Variants in GPD2 observed in about 807,000 individuals in gnomAD.
GPD2 encodes glycerol-3-phosphate dehydrogenase 2.
GPD2 carries 54 observed loss-of-function variants against 82.4 expected under a neutral mutation model. That is an observed-to-expected ratio of 0.66 (90% CI 0.53 to 0.82). The LOEUF (loss-of-function observed/expected upper bound fraction) is 0.82, where lower values mean the gene tolerates loss of function less well. GPD2 is among the 40% of genes least tolerant of loss of function. GPD2 has a pLI of 0.00. For missense variants in GPD2, 748 were observed against 896.2 expected (o/e 0.83, Z 2.11); for synonymous variants, 288 against 306.1 (o/e 0.94, Z 0.62).
intron 7 of GPD2, among the ~76,000 whole-genome samples, chr2:156,550,052 C>T (rs1388854083): frequency 1.3e-5 from 2 of 152,080 alleles, no homozygotes; most frequent in Non-Finnish European, 2.9e-5. Context: ...TTTTTCTTTA[C>T]AAAAACATGT....
chr2:156,443,605 AT>A (rs1330305844), intron 1 of GPD2, among the ~76,000 whole-genome samples: 1 of 151,984 alleles, frequency 6.6e-6, no homozygotes, highest in Non-Finnish European at 1.5e-5. Flanking sequence ...TTATTTCAAA[AT>A]TTTTTTCCCT....
intron 13 of GPD2, among the ~76,000 whole-genome samples, chr2:156,572,080 C>T (rs1687660880): frequency 6.6e-6 from 1 of 152,090 alleles, no homozygotes; most frequent in African/African-American, 2.4e-5. Context: ...CAGCATTTGA[C>T]ACAATTGATT....
chr2:156,573,364 G>A (rs541311639), intron 13 of GPD2, among the ~76,000 whole-genome samples: 1 of 152,240 alleles, frequency 6.6e-6, no homozygotes, highest in Non-Finnish European at 1.5e-5. Flanking sequence ...AGCTGTACTG[G>A]TTTATAGCTG....
At chr2:156,500,627 T>G (rs191704361) in intron 3 of GPD2, among the ~76,000 whole-genome samples, 164 of 152,282 alleles carry the variant, frequency 1.1e-3, no homozygotes, top group Middle Eastern at 0.01. Context: ...CATCAAAGTT[T>G]TGGGGGGAAC....
chr2:156,425,682 G>A, the GPD2 span, among the ~76,000 whole-genome samples: 216 of 152,258 alleles, frequency 1.4e-3, 1 homozygote, highest in African/African-American at 4.7e-3. Flanking sequence ...TTTGATACAA[G>A]GTTAAGGTCG....
intron 6 of GPD2, among the ~76,000 whole-genome samples, chr2:156,544,375 C>T (rs758033106): frequency 3.9e-5 from 6 of 152,120 alleles, no homozygotes; most frequent in Admixed American, 3.3e-4. Flanking sequence ...ACCAACATTC[C>T]GTTGGCCAAA....
the GPD2 span, among the ~76,000 whole-genome samples, chr2:156,401,136 A>C: frequency 1.3e-5 from 2 of 152,294 alleles, no homozygotes; most frequent in South Asian, 2.1e-4. Flanking sequence ...AAAAAACTAG[A>C]AGTCAAAACT....
At chr2:156,549,004 G>A (rs1686653214) in intron 6 of GPD2, among the ~76,000 whole-genome samples, 1 of 151,282 alleles carries the variant, frequency 6.6e-6, no homozygotes, top group South Asian at 2.1e-4. Context: ...GAATTGTTCT[G>A]TAATTAAATT....
chr2:156,541,852 T>C lies in GPD2; in HGVS notation c.662-7756T>C, dbSNP rs543670978. The stretch of plus-strand genomic sequence containing the variant: ...TTTTTTTTTTTTTTTTTTTTGGCTG[T>C]GGTCGAGAGAGAATGGATTGTCCTG... On this transcript the variant is annotated intron_variant, in intron 6 of 16. Transcript: ENST00000438166. 9.2e-5 allele frequency among the ~76,000 whole-genome samples: 9 copies of C among 98,038 alleles called. No individual in the cohort carries two copies. The East Asian group carries it at 2.8e-3, about 31-fold the overall frequency. 64.3% of individuals were successfully genotyped at this position (98,038 alleles called of 152,430 possible). A position where few individuals can be genotyped will look rare whatever the true frequency, so the allele number is the denominator to read the frequency against.
chr2:156,494,410 G>T (rs556041594), intron 2 of GPD2, among the ~76,000 whole-genome samples: 1 of 152,264 alleles, frequency 6.6e-6, no homozygotes, highest in South Asian at 2.1e-4. Context: ...GAGATAATGA[G>T]TCAACAGTTA....
intron 9 of GPD2, among the ~76,000 whole-genome samples, chr2:156,561,804 A>G (rs1405214140): frequency 6.6e-6 from 1 of 152,114 alleles, no homozygotes; most frequent in Non-Finnish European, 1.5e-5. Context: ...TATCCTTAAG[A>G]AAAAAAAGTG....
chr2:156,506,974 A>G (rs1384854122), intron 3 of GPD2, among the ~76,000 whole-genome samples: 1 of 152,120 alleles, frequency 6.6e-6, no homozygotes, highest in East Asian at 1.9e-4. Context: ...TGTGTAAAAT[A>G]CTAAAAATAC....
At position 156,453,833 on chromosome 2, in the gene GPD2, C is replaced by T. The variant is rs141811827; in HGVS notation, c.-9+17320C>T. On this transcript the variant is annotated intron_variant, in intron 1 of 16. Coordinates refer to ENST00000438166, the MANE Select transcript of GPD2 (RefSeq NM_000408.5). ...TGGAGGTTGCAGTGAGCTGAGATCA[C>T]GCCACTTCACTGCAGCCTGGGTGAC... 4.4e-3 allele frequency among the ~76,000 whole-genome samples: 666 copies of T among 152,130 alleles called. 6 individuals carry two copies. The highest frequency in any genetic ancestry group is 0.034 in the Middle Eastern group (10 of 294).
chr2:156,458,905 C>G (rs1327923002), intron 1 of GPD2, among the ~76,000 whole-genome samples: 1 of 151,988 alleles, frequency 6.6e-6, no homozygotes, highest in Non-Finnish European at 1.5e-5. Context: ...ATTCATAATA[C>G]TACCATTCAA....
intron 1 of GPD2, among the ~76,000 whole-genome samples, chr2:156,465,854 A>C (rs1008529172): frequency 6.6e-5 from 10 of 152,226 alleles, no homozygotes; most frequent in African/African-American, 2.4e-4. Context: ...AATGTTATCA[A>C]TGAATGTGTT....
chr2:156,531,440 TGCACATCA>T (rs1188448497), intron 6 of GPD2, among the ~76,000 whole-genome samples: 1 of 152,246 alleles, frequency 6.6e-6, no homozygotes, highest in African/African-American at 2.4e-5. Context: ...GGGTATTTTC[TGCACATCA>T]GCACTGGCCC....
the GPD2 span, among the ~76,000 whole-genome samples, chr2:156,430,117 T>C: frequency 6.6e-6 from 1 of 152,192 alleles, no homozygotes; most frequent in South Asian, 2.1e-4. Flanking sequence ...GAAAAAAATA[T>C]GTGAACATAC....
At position 156,579,089 on chromosome 2, in the gene GPD2, TAAG is replaced by T; in HGVS notation, c.1889_1891del (p.Lys630del). 3 of 1,600,288 alleles carry T rather than the reference TAAG, an allele frequency of 1.9e-6. No individual in the cohort carries two copies. Among genetic ancestry groups the T allele is most frequent in the Non-Finnish European group, 2.6e-6 (3 of 1,167,670 alleles). On this transcript the variant is annotated inframe_deletion, in exon 15 of 17. Transcript: ENST00000438166. ...ATTATTTAATCTTGTGTTCCAGGTATAAGAAGAGATTTCATAAGTTTGATGCAG... is the reference window on the plus strand; with the variant it reads ...ATTATTTAATCTTGTGTTCCAGGTATAAGAGATTTCATAAGTTTGATGCAG...
intron 2 of GPD2, among the ~76,000 whole-genome samples, chr2:156,484,488 A>G (rs928814975): frequency 6.6e-6 from 1 of 152,178 alleles, no homozygotes; most frequent in African/African-American, 2.4e-5. Context: ...GTTCCTAAAT[A>G]GTCTTTGTTT....
Sources: gnomAD v4.1 joint callset for allele counts (sites outside exome capture counted in the v4.1 genomes callset) on GRCh38, gnomAD v4.1.1 for gene constraint, MANE v1.5 for transcripts, NCBI Gene and HGNC (gene_info 2026-07-23, HGNC 2026-07-21) for gene names.